ATG16L1: variants seen among roughly 807,000 people sequenced by gnomAD.
ATG16L1 encodes autophagy-related protein 16-1.
In ATG16L1, 37 loss-of-function variants were observed where a neutral mutation model predicts 88.5. The ratio of observed to expected loss-of-function variants is 0.42; its 90% CI spans 0.32 to 0.55. ATG16L1 has a LOEUF of 0.55. ATG16L1 is among the 20% of genes least tolerant of loss of function. ATG16L1 has a pLI of 0.13. For missense variants in ATG16L1, 554 were observed against 752.8 expected (o/e 0.74, Z 3.09); for synonymous variants, 301 against 281.0 (o/e 1.07, Z -0.71).
At chr2:233,253,332 G>GTGTTTTTTTTTTTTTTTTTTTTT (rs1696521168) in intron 1 of ATG16L1, among the ~76,000 whole-genome samples, 2 of 112,890 alleles carry the variant, frequency 1.8e-5, no homozygotes, top group African/African-American at 6.6e-5. Flanking sequence ...GTGAGACTGG[G>GTGTTTTTTTTTTTTTTTTTTTTT]TTTTTTTGTT....
At chr2:233,252,011 G>A in intron 1 of ATG16L1, 69 bp downstream of exon 1, 2 of 1,358,134 alleles carry the variant, frequency 1.5e-6, no homozygotes, top group Non-Finnish European at 9.7e-7. Flanking sequence ...GGCGTCAGCG[G>A]GAACCTGAGG....
chr2:233,264,743 C>G, intron 4 of ATG16L1, 149 bp from the exon 5 acceptor site: 1 of 1,039,248 alleles, frequency 9.6e-7, no homozygotes, highest in Non-Finnish European at 1.4e-6. Context: ...TGTTTCCTCT[C>G]CTAATGGATT....
Position 233,253,332 on chromosome 2 carries a change from GTTTTTTTGTTTTT to G in ATG16L1, c.115+1398_115+1410del, listed in dbSNP as rs1043996288. ...CACAGCAGGTTAATGGTGAGACTGG[GTTTTTTTGTTTTT>G]TTTTTTTTTTTTTTTTGGAGACAGA... On this transcript the variant is annotated intron_variant, in intron 1 of 17. Transcript: ENST00000392017. 1.7e-4 allele frequency among the ~76,000 whole-genome samples: 19 copies of G among 112,912 alleles called. 1 individual carries two copies. Among genetic ancestry groups the G allele is most frequent in the South Asian group, 3.2e-4 (1 of 3,154 alleles). The allele number at this position is 112,912 out of a possible 152,430, so 74.1% of individuals were successfully genotyped here.
Position 233,256,082 on chromosome 2 carries a change from T to C in ATG16L1, c.116-20T>C, listed in dbSNP as rs776848341. On this transcript the variant is annotated intron_variant, in intron 1 of 17. Coordinates refer to ENST00000392017, the MANE Select transcript of ATG16L1 (RefSeq NM_030803.7). ...ACGTTGTAATAAATAACTTAGTTTC[T>C]GACTTTTTTATTTTAATAGATAACA... The C allele has an allele frequency of 1.4e-5, 23 of 1,601,146 alleles. No individual in the cohort carries two copies. Among genetic ancestry groups the C allele is most frequent in the Non-Finnish European group, 1.9e-5 (22 of 1,168,608 alleles).
At chr2:233,285,042 C>G (rs918504254) in intron 12 of ATG16L1, among the ~76,000 whole-genome samples, 1 of 152,220 alleles carries the variant, frequency 6.6e-6, no homozygotes, top group Admixed American at 6.5e-5. Context: ...AAGTGCACTG[C>G]TAGAGAGCCT....
intron 2 of ATG16L1, among the ~76,000 whole-genome samples, chr2:233,257,015 TTTGTTTTG>T (rs995743422): frequency 1.3e-4 from 3 of 22,912 alleles, no homozygotes; most frequent in Admixed American, 2.8e-4. Flanking sequence ...TACAATTTTT[TTTGTTTTG>T]TTTTGTTTTG....
rs1696625785 is a variant in ATG16L1, at chr2:233,254,297, T to C, written c.116-1805T>C. Reference sequence around the variant, plus strand: ...AGGACAGGAGACCGGGATGAGAAGCTAACAAGAGGCAGGAGAGTGAGACAG... The same window carrying C: ...AGGACAGGAGACCGGGATGAGAAGCCAACAAGAGGCAGGAGAGTGAGACAG... On this transcript the variant is annotated intron_variant, in intron 1 of 17. Transcript: ENST00000392017. 2.0e-5 allele frequency among the ~76,000 whole-genome samples: 3 copies of C among 152,316 alleles called. No homozygotes were observed. In the South Asian group the frequency reaches 6.2e-4, roughly 32 times the overall value.
chr2:233,294,113 T>A (rs954472691), intron 17 of ATG16L1, 144 bp from the exon 18 acceptor site: 1 of 573,058 alleles, frequency 1.7e-6, no homozygotes, highest in Non-Finnish European at 3.0e-6. Context: ...AGCTCCTGCC[T>A]TGTCGCGGGC....
chr2:233,265,246 C>T, intron 5 of ATG16L1, 103 bp downstream of exon 5: 1 of 1,403,772 alleles, frequency 7.1e-7, no homozygotes, highest in Non-Finnish European at 9.7e-7. Flanking sequence ...AGGAGGTTTA[C>T]CAGGGAATTC....
At chr2:233,289,784 G>A (rs893753860) in intron 12 of ATG16L1, 70 bp from the exon 13 acceptor site, 149 of 1,589,896 alleles carry the variant, frequency 9.4e-5, no homozygotes, top group Non-Finnish European at 1.0e-4. Context: ...TAAGGATGCT[G>A]TGGATACTTT....
Position 233,265,139 on chromosome 2 carries a change from T to G in ATG16L1, c.637T>G (p.Ser213Ala). ...GCTTAATGCAGAGAATGAAAAAGACTCCAGGTGGGCTATCAATCCACAGTT... is the reference window on the plus strand; with the variant it reads ...GCTTAATGCAGAGAATGAAAAAGACGCCAGGTGGGCTATCAATCCACAGTT... ...NRLNAENEKD[S>A]RRRQARLQKE... The change falls in exon 5 of 18, where the codon TCC becomes GCC. Residue 213 changes from serine to alanine, a missense_variant. Around this residue, in one of 5 missense-constraint regions of ATG16L1, gnomAD observed 370 missense variants for 509.7 expected, o/e 0.73. Coordinates refer to ENST00000392017, the MANE Select transcript of ATG16L1 (RefSeq NM_030803.7). The G allele has an allele frequency of 6.2e-7, 1 of 1,613,824 alleles. No homozygotes were observed. Among genetic ancestry groups the G allele is most frequent in the Non-Finnish European group, 8.5e-7 (1 of 1,179,944 alleles).
intron 3 of ATG16L1, 115 bp downstream of exon 3, chr2:233,263,350 A>C (rs1697347660): frequency 1.2e-6 from 1 of 862,984 alleles, no homozygotes; most frequent in Non-Finnish European, 1.8e-6. Context: ...CATATGTGGC[A>C]TCAAAAGTCC....
intron 8 of ATG16L1, 74 bp downstream of exon 8, chr2:233,273,851 C>G (rs528334979): frequency 4.5e-6 from 7 of 1,548,422 alleles, no homozygotes; most frequent in Non-Finnish European, 5.3e-6. Flanking sequence ...TATTTTTATT[C>G]TTTAAATGTA....
intron 5 of ATG16L1, among the ~76,000 whole-genome samples, chr2:233,268,078 T>C (rs1255585938): frequency 6.6e-6 from 1 of 152,178 alleles, no homozygotes; most frequent in Non-Finnish European, 1.5e-5. Context: ...TGTAGCACAC[T>C]GTTTTGAGAT....
intron 2 of ATG16L1, among the ~76,000 whole-genome samples, chr2:233,256,439 C>T (rs1273731473): frequency 6.6e-6 from 1 of 152,176 alleles, no homozygotes; most frequent in African/African-American, 2.4e-5. Context: ...GGCAGGTTCA[C>T]GTGGTAACCC....
rs1699519512 is a variant in ATG16L1 at position 233,292,371 on chromosome 2, CTGT to C, written c.1581-11_1581-9del. On this transcript the variant is annotated splice_polypyrimidine_tract_variant and intron_variant, in intron 15 of 17. Coordinates refer to ENST00000392017, the MANE Select transcript of ATG16L1 (RefSeq NM_030803.7). Reference sequence around the variant, plus strand: ...CCTGAGCTCCCTCAGTGACAGTGCCCTGTTGTTTGTTTCAGTGCACCTGGGTTC... The same window carrying C: ...CCTGAGCTCCCTCAGTGACAGTGCCCTGTTTGTTTCAGTGCACCTGGGTTC... The C allele has an allele frequency of 1.9e-6, 3 of 1,614,008 alleles. No homozygotes were observed. Among genetic ancestry groups the C allele is most frequent in the Non-Finnish European group, 1.7e-6 (2 of 1,180,016 alleles).
rs190274819 is a variant in ATG16L1, at chr2:233,282,281, A to C, written c.1132-401A>C. On this transcript the variant is annotated intron_variant, in intron 11 of 17. Coordinates refer to ENST00000392017, the MANE Select transcript of ATG16L1 (RefSeq NM_030803.7). ...GAGGAAATAGGGGAGAAAGGAGAGG[A>C]CCAGGCTCGACACATTGAAGATGAA... is the stretch of plus-strand genomic sequence containing the variant. 6.8e-4 allele frequency among the ~76,000 whole-genome samples: 104 copies of C among 152,172 alleles called. No homozygotes were observed. The Middle Eastern group carries it at 0.017, about 25-fold the overall frequency.
intron 1 of ATG16L1, among the ~76,000 whole-genome samples, chr2:233,253,340 G>GTTTTTTTTTTTTTTTTTT (rs56151049): frequency 1.8e-5 from 2 of 108,660 alleles, no homozygotes; most frequent in African/African-American, 7.2e-5. Context: ...GGGTTTTTTT[G>GTTTTTTTTTTTTTTTTTT]TTTTTTTTTT....
intron 7 of ATG16L1, 39 bp from the exon 8 acceptor site, chr2:233,273,682 T>A: frequency 6.2e-7 from 1 of 1,600,314 alleles, no homozygotes; most frequent in Non-Finnish European, 8.5e-7. Context: ...TTGGGCAAAA[T>A]GTTTCTAAGG....
Sources: gnomAD v4.1 joint callset for allele counts (sites outside exome capture counted in the v4.1 genomes callset) on GRCh38, gnomAD v4.1.1 for gene constraint, gnomAD v4.1.1 regional missense constraint, MANE v1.5 for transcripts, NCBI Gene and HGNC (gene_info 2026-07-23, HGNC 2026-07-21) for gene names.